Variants in TNIP1 observed in about 807,000 individuals in gnomAD.
TNIP1 encodes TNFAIP3 interacting protein 1, also known as TNFAIP3-interacting protein 1.
Under a neutral mutation model 86.6 loss-of-function variants are expected in TNIP1, and 22 were observed. That is an observed-to-expected ratio of 0.25 (90% CI 0.18 to 0.36). The LOEUF (loss-of-function observed/expected upper bound fraction) is 0.36, where lower values mean the gene tolerates loss of function less well. Among genes scored for constraint, TNIP1 ranks in the 10% least tolerant of loss-of-function variants. TNIP1 has a pLI of 1.00. For synonymous variants in TNIP1, 294 were observed against 313.0 expected (o/e 0.94, Z 0.64); for missense variants, 709 against 820.6 (o/e 0.86, Z 1.66).
intron 9 of TNIP1, 49 bp from the exon 10 acceptor site, chr5:151,043,010 G>A (rs1758651152): frequency 1.2e-6 from 2 of 1,600,398 alleles, no homozygotes; most frequent in Admixed American, 1.7e-5. Context: ...GAAGGAACAA[G>A]GAGAGCCATC....
chr5:151,056,675 G>A, intron 6 of TNIP1, 91 bp downstream of exon 6: 1 of 1,280,544 alleles, frequency 7.8e-7, no homozygotes, highest in Non-Finnish European at 1.0e-6. Context: ...AGTCCCCATG[G>A]TACCAGTGGA....
chr5:151,076,200 T>C (rs1281955380), intron 1 of TNIP1, among the ~76,000 whole-genome samples: 1 of 152,192 alleles, frequency 6.6e-6, no homozygotes, highest in African/African-American at 2.4e-5. Flanking sequence ...CCAAGGTCTT[T>C]CTCTGGGGGT....
intron 7 of TNIP1, 108 bp downstream of exon 7, chr5:151,052,057 C>A (rs1759995750): frequency 2.2e-6 from 2 of 902,490 alleles, no homozygotes; most frequent in South Asian, 1.6e-5. Context: ...GGGCTCTGGG[C>A]ACAGGGCCTC....
At chr5:151,065,913 A>G (rs1762167683) in intron 1 of TNIP1, among the ~76,000 whole-genome samples, 1 of 152,144 alleles carries the variant, frequency 6.6e-6, no homozygotes, top group South Asian at 2.1e-4. Flanking sequence ...TAATCTGTTC[A>G]GTTTCATCTG....
chr5:151,084,174 G>C (rs1056489669), upstream of TNIP1, among the ~76,000 whole-genome samples: 5 of 152,328 alleles, frequency 3.3e-5, no homozygotes, highest in African/African-American at 1.2e-4. Flanking sequence ...AGGGCATGCC[G>C]TGGCTCACGC....
intron 15 of TNIP1, chr5:151,034,801 G>A (rs1757486843): frequency 8.2e-6 from 5 of 607,738 alleles, no homozygotes; most frequent in African/African-American, 5.6e-5. Flanking sequence ...CCTGGACACA[G>A]AATGTCAACA....
chr5:151,065,482 A>C (rs1333890400), intron 1 of TNIP1, among the ~76,000 whole-genome samples: 1 of 152,196 alleles, frequency 6.6e-6, no homozygotes, highest in African/African-American at 2.4e-5. Context: ...GAAGAACAGG[A>C]ATCCCATATG....
chr5:151,049,703 A>C, intron 8 of TNIP1, 121 bp downstream of exon 8: 1 of 1,239,648 alleles, frequency 8.1e-7, no homozygotes, highest in East Asian at 2.3e-5. Flanking sequence ...CGTAACAGCT[A>C]GAACCTTCTA....
At chr5:151,030,859 T>TA in intron 17 of TNIP1, 112 bp from the exon 18 acceptor site, 2 of 852,206 alleles carry the variant, frequency 2.3e-6, no homozygotes, top group Non-Finnish European at 3.7e-6. Flanking sequence ...GGTTACTGGG[T>TA]GCTACCAAGT....
chr5:151,076,963 T>C (rs1763466402), intron 1 of TNIP1, among the ~76,000 whole-genome samples: 1 of 152,228 alleles, frequency 6.6e-6, no homozygotes, highest in South Asian at 2.1e-4. Context: ...GGACACAGCA[T>C]GGACCACAAG....
chr5:151,064,869 T>G (rs1762040301), intron 2 of TNIP1, 91 bp downstream of exon 2: 1 of 1,580,392 alleles, frequency 6.3e-7, no homozygotes, highest in Non-Finnish European at 8.6e-7. Context: ...CAGAGGCATA[T>G]GCCAGCTTCA....
chr5:151,059,196 G>A lies in TNIP1; in HGVS notation c.435+1122C>T, dbSNP rs374317708. Among the ~76,000 whole-genome samples, 17 of 152,352 alleles carry A rather than the reference G, an allele frequency of 1.1e-4. No homozygotes were observed. The South Asian group carries it at 2.5e-3, about 22-fold the overall frequency. On this transcript the variant is annotated intron_variant, in intron 5 of 17. Coordinates refer to ENST00000521591, the MANE Select transcript of TNIP1 (RefSeq NM_006058.5). ...GTAGAGCTAATGAGGAACTTACTAC[G>A]TCAGTTAAAGTTATCGGTCCAAAGT...
At chr5:151,046,596 G>A (rs761142376) in intron 8 of TNIP1, among the ~76,000 whole-genome samples, 3 of 151,972 alleles carry the variant, frequency 2.0e-5, no homozygotes, top group Non-Finnish European at 2.9e-5. Flanking sequence ...CTGCTTTGAG[G>A]GGCTGGAGCA....
At chr5:151,055,729 A>T (rs1051302082) in intron 6 of TNIP1, among the ~76,000 whole-genome samples, 31 of 152,206 alleles carry the variant, frequency 2.0e-4, no homozygotes, top group Admixed American at 1.2e-3. Flanking sequence ...TCAGCGGGGC[A>T]CTTGAGTGCC....
At chr5:151,083,842 C>T (rs1764172632), upstream of TNIP1, among the ~76,000 whole-genome samples, 1 of 152,122 alleles carries the variant, frequency 6.6e-6, no homozygotes, top group Non-Finnish European at 1.5e-5. Flanking sequence ...GGGGTGGAGG[C>T]TGCATAATAA....
upstream of TNIP1, among the ~76,000 whole-genome samples, chr5:151,081,382 C>T (rs1232609793): frequency 6.6e-6 from 1 of 151,954 alleles, no homozygotes; most frequent in Non-Finnish European, 1.5e-5. Flanking sequence ...TTCCTTGTGC[C>T]GAGGGGAACA....
chr5:151,032,124 C>G (rs1338299466), intron 17 of TNIP1, 163 bp downstream of exon 17: 2 of 617,590 alleles, frequency 3.2e-6, no homozygotes, highest in East Asian at 5.5e-5. Context: ...GCCCCCCTCA[C>G]TCTGTGGTTG....
At chr5:151,032,177 T>C (rs1219115223) in intron 17 of TNIP1, 110 bp downstream of exon 17, 1 of 910,802 alleles carries the variant, frequency 1.1e-6, no homozygotes, top group African/African-American at 1.7e-5. Flanking sequence ...GCTGGGCCTC[T>C]CCTCCACCAA....
At chr5:151,044,627 G>A (rs571273283) in intron 9 of TNIP1, among the ~76,000 whole-genome samples, 9 of 152,188 alleles carry the variant, frequency 5.9e-5, no homozygotes, top group Non-Finnish European at 1.2e-4. Context: ...ATGTGCGGGA[G>A]GACAAGGGGA....
Sources: gnomAD v4.1 joint callset for allele counts (sites outside exome capture counted in the v4.1 genomes callset) on GRCh38, gnomAD v4.1.1 for gene constraint, MANE v1.5 for transcripts, NCBI Gene and HGNC (gene_info 2026-07-23, HGNC 2026-07-21) for gene names.